Variants in ACTR3C observed in about 807,000 individuals in gnomAD.
ACTR3C encodes the protein actin related protein 3C.
In ACTR3C, 18 loss-of-function variants were observed where a neutral mutation model predicts 26.3. The ratio of observed to expected loss-of-function variants is 0.68; its 90% CI spans 0.47 to 1.01. The LOEUF is 1.01. Among genes scored for constraint, ACTR3C ranks in the 50% least tolerant of loss-of-function variants. The probability of loss-of-function intolerance (pLI) is 0.00; values close to 1 mark genes in which losing one functional copy is unlikely to be tolerated. For missense variants in ACTR3C, 184 were observed against 250.7 expected (o/e 0.73, Z 1.80); for synonymous variants, 55 against 94.5 (o/e 0.58, Z 2.42).
At chr7:150,082,947 C>CTTTTTTTTTTTTTTTTTTTTTTTTTT in the ACTR3C span, among the ~76,000 whole-genome samples, 2 of 108,544 alleles carry the variant, frequency 1.8e-5, no homozygotes, top group African/African-American at 3.6e-5. Context: ...TTTTTTTTTT[C>CTTTTTTTTTTTTTTTTTTTTTTTTTT]TTTTTTTTTT....
the ACTR3C span, among the ~76,000 whole-genome samples, chr7:150,171,813 A>G: frequency 6.9e-6 from 1 of 145,368 alleles, no homozygotes; most frequent in Non-Finnish European, 1.5e-5. Context: ...TATAGATTCT[A>G]TTCTTTCTTT....
the ACTR3C span, among the ~76,000 whole-genome samples, chr7:150,076,976 C>A: frequency 6.6e-6 from 1 of 151,968 alleles, no homozygotes; most frequent in Non-Finnish European, 1.5e-5. Context: ...ACCAGCCTGG[C>A]CAACATGGTG....
chr7:150,091,704 C>A, the ACTR3C span, among the ~76,000 whole-genome samples: 1 of 142,044 alleles, frequency 7.0e-6, no homozygotes, highest in Non-Finnish European at 1.5e-5. Context: ...TATTCCTGGC[C>A]GGGCGCGGTG....
At chr7:149,950,224 T>A in the ACTR3C span, among the ~76,000 whole-genome samples, 5 of 102,520 alleles carry the variant, frequency 4.9e-5, 2 homozygotes, top group African/African-American at 1.6e-4. Context: ...TGACATAACA[T>A]TCTTAAACGT....
At chr7:150,199,357 G>C in the ACTR3C span, among the ~76,000 whole-genome samples, 141 of 120,818 alleles carry the variant, frequency 1.2e-3, 1 homozygote, top group African/African-American at 4.8e-3. Flanking sequence ...AGGGTTAAAT[G>C]GATTAAGGGC....
chr7:149,984,508 T>G, the ACTR3C span, among the ~76,000 whole-genome samples: 1 of 151,018 alleles, frequency 6.6e-6, no homozygotes, highest in Non-Finnish European at 1.5e-5. Flanking sequence ...CTGGCCACGT[T>G]TTATCTATTG....
chr7:150,028,700 T>A, the ACTR3C span, among the ~76,000 whole-genome samples: 1 of 152,124 alleles, frequency 6.6e-6, no homozygotes, highest in Non-Finnish European at 1.5e-5. Flanking sequence ...ACCCCCACAC[T>A]CATCCCCCTG....
chr7:150,213,581 T>C, the ACTR3C span, among the ~76,000 whole-genome samples: 1 of 152,128 alleles, frequency 6.6e-6, no homozygotes, highest in African/African-American at 2.4e-5. Flanking sequence ...GCTCAATTCC[T>C]AAGCATGATA....
chr7:150,051,036 G>T, the ACTR3C span, among the ~76,000 whole-genome samples: 1 of 147,432 alleles, frequency 6.8e-6, no homozygotes, highest in African/African-American at 2.5e-5. Flanking sequence ...CCCGGGAGGC[G>T]GAGGTTGCAA....
At chr7:150,235,029 C>T in the ACTR3C span, among the ~76,000 whole-genome samples, 5 of 152,220 alleles carry the variant, frequency 3.3e-5, no homozygotes, top group African/African-American at 1.2e-4. Context: ...ACCACATTAG[C>T]ACTAGGCTTT....
the ACTR3C span, among the ~76,000 whole-genome samples, chr7:150,174,338 C>T: frequency 4.3e-5 from 6 of 137,964 alleles, 1 homozygote; most frequent in Admixed American, 4.1e-4. Context: ...AAGCAGAAAC[C>T]CCTGATAAAC....
At chr7:149,994,969 C>T in the ACTR3C span, among the ~76,000 whole-genome samples, 1 of 151,524 alleles carries the variant, frequency 6.6e-6, no homozygotes, top group Non-Finnish European at 1.5e-5. Context: ...ATTCTCTCAC[C>T]TCAGCCTCCC....
chr7:150,200,669 T>C, the ACTR3C span, among the ~76,000 whole-genome samples: 1 of 152,162 alleles, frequency 6.6e-6, no homozygotes, highest in Admixed American at 6.5e-5. Flanking sequence ...AAAAACTCTT[T>C]GGTAGTATAA....
chr7:150,299,479 A>C (rs1306351157), intron 1 of ACTR3C, among the ~76,000 whole-genome samples: 7 of 147,330 alleles, frequency 4.8e-5, no homozygotes, highest in East Asian at 2.0e-4. Context: ...AAAAAAAAAA[A>C]AAAAAAAAAA....
intron 1 of ACTR3C, among the ~76,000 whole-genome samples, chr7:150,322,029 T>C (rs1797569535): frequency 6.6e-6 from 1 of 152,216 alleles, no homozygotes; most frequent in South Asian, 2.1e-4. Context: ...TTGGTGCACA[T>C]GTGGAACCAA....
chr7:150,046,354 C>CCCCCCA, the ACTR3C span, among the ~76,000 whole-genome samples: 1 of 71,748 alleles, frequency 1.4e-5, no homozygotes, highest in African/African-American at 4.1e-5. Context: ...ACCGCCCCCC[C>CCCCCCA]CCCCCCGACC....
chr7:150,031,287 A>AC, the ACTR3C span, among the ~76,000 whole-genome samples: 1 of 85,400 alleles, frequency 1.2e-5, no homozygotes, highest in Non-Finnish European at 2.5e-5. Flanking sequence ...AAAAAAAAAA[A>AC]ACAAATCTGA....
chr7:150,182,980 G>A, the ACTR3C span, among the ~76,000 whole-genome samples: 59 of 150,962 alleles, frequency 3.9e-4, no homozygotes, highest in East Asian at 9.4e-3. Flanking sequence ...GCTAAGCATA[G>A]CAAATACATA....
At chr7:149,915,899 A>C in the ACTR3C span, among the ~76,000 whole-genome samples, 1 of 151,212 alleles carries the variant, frequency 6.6e-6, no homozygotes, top group African/African-American at 2.5e-5. Context: ...GGATATATTA[A>C]ATAAATTATA....
Sources: gnomAD v4.1 joint callset for allele counts (sites outside exome capture counted in the v4.1 genomes callset) on GRCh38, gnomAD v4.1.1 for gene constraint, MANE v1.5 for transcripts, NCBI Gene and HGNC (gene_info 2026-07-23, HGNC 2026-07-21) for gene names.